The following TNFRSF10B variants were observed in gnomAD, a reference collection of about 807,000 sequenced individuals.
TNFRSF10B encodes TNF receptor superfamily member 10b.
TNFRSF10B carries 35 observed loss-of-function variants against 41.4 expected under a neutral mutation model. That is an observed-to-expected ratio of 0.85 (90% CI 0.65 to 1.12). The LOEUF is 1.12. Ranked by LOEUF, TNFRSF10B falls within the 50% of genes most tolerant of loss-of-function variation. The pLI, the probability that TNFRSF10B is intolerant of heterozygous loss-of-function variation, is 0.00. For missense variants in TNFRSF10B, 584 were observed against 552.7 expected, an observed-to-expected ratio of 1.06 and a Z score of -0.57; for synonymous variants, 230 against 215.5, an observed-to-expected ratio of 1.07 and a Z score of -0.59.
chr8:23,058,104 G>T (rs1461114967), intron 1 of TNFRSF10B, among the ~76,000 whole-genome samples: 4 of 152,136 alleles, frequency 2.6e-5, no homozygotes, highest in Middle Eastern at 3.4e-3. Flanking sequence ...AAAATTAGCC[G>T]GGCATGGTGA....
chr8:23,044,442 A>G (rs992690194), intron 1 of TNFRSF10B, among the ~76,000 whole-genome samples: 2 of 152,228 alleles, frequency 1.3e-5, no homozygotes, highest in Non-Finnish European at 2.9e-5. Flanking sequence ...AATATCTAAA[A>G]TATATAAAAA....
At chr8:23,028,306 G>A in intron 5 of TNFRSF10B, 25 bp downstream of exon 5, 1 of 1,613,514 alleles carries the variant, frequency 6.2e-7, no homozygotes, top group Non-Finnish European at 8.5e-7. Context: ...AGTGCCCTGT[G>A]CCCCCGCCCT....
chr8:23,027,084 C>T, intron 7 of TNFRSF10B, 49 bp downstream of exon 7: 1 of 1,612,610 alleles, frequency 6.2e-7, no homozygotes, highest in South Asian at 1.1e-5. Context: ...TCTACGAAAT[C>T]CCAGGTGAGC....
chr8:23,035,954 G>C (rs552853164), intron 2 of TNFRSF10B, among the ~76,000 whole-genome samples: 1 of 152,192 alleles, frequency 6.6e-6, no homozygotes, highest in Non-Finnish European at 1.5e-5. Flanking sequence ...TGGGCCATAC[G>C]ACCCAGCAGA....
At chr8:23,061,359 G>T (rs1049864339) in intron 1 of TNFRSF10B, among the ~76,000 whole-genome samples, 1 of 152,116 alleles carries the variant, frequency 6.6e-6, no homozygotes, top group Non-Finnish European at 1.5e-5. Context: ...ATTGCAATCT[G>T]TACTGTCTTT....
At chr8:23,030,699 C>A in intron 3 of TNFRSF10B, 60 bp downstream of exon 3, 1 of 1,343,620 alleles carries the variant, frequency 7.4e-7, no homozygotes, top group African/African-American at 1.4e-5. Context: ...ATTTTAGCTA[C>A]AACTTTTATG....
intron 2 of TNFRSF10B, among the ~76,000 whole-genome samples, chr8:23,036,541 A>G (rs1316900276): frequency 6.6e-6 from 1 of 152,216 alleles, no homozygotes; most frequent in African/African-American, 2.4e-5. Flanking sequence ...CCTGAAGGAC[A>G]GTGGTGAAAA....
chr8:23,058,772 G>A (rs34408955), intron 1 of TNFRSF10B, among the ~76,000 whole-genome samples: 2 of 151,930 alleles, frequency 1.3e-5, no homozygotes, highest in African/African-American at 4.8e-5. Flanking sequence ...GGTGTGAGCC[G>A]CCGTGCCCAG....
intron 1 of TNFRSF10B, among the ~76,000 whole-genome samples, chr8:23,064,025 G>A (rs1037523840): frequency 2.0e-5 from 3 of 152,230 alleles, no homozygotes; most frequent in Non-Finnish European, 2.9e-5. Flanking sequence ...GCATGTAGGC[G>A]CCTGGCGACC....
At chr8:23,066,264 CAG>C (rs1251629931) in intron 1 of TNFRSF10B, among the ~76,000 whole-genome samples, 1 of 152,140 alleles carries the variant, frequency 6.6e-6, no homozygotes, top group African/African-American at 2.4e-5. Context: ...GCCTGGGTGA[CAG>C]AGTAAGACCC....
At chr8:23,033,628 T>C (rs1231150968) in intron 2 of TNFRSF10B, among the ~76,000 whole-genome samples, 15 of 117,972 alleles carry the variant, frequency 1.3e-4, no homozygotes, top group Non-Finnish European at 2.4e-4. Flanking sequence ...AAAAGAACCC[T>C]GGAAAAGGTA....
chr8:23,066,383 T>A (rs79219308), intron 1 of TNFRSF10B, among the ~76,000 whole-genome samples: 20,792 of 151,998 alleles, frequency 0.14, 1,797 homozygotes, highest in South Asian at 0.19. Flanking sequence ...TGATATACAG[T>A]AGATGAGATT....
chr8:23,048,162 G>A (rs114288786), intron 1 of TNFRSF10B, among the ~76,000 whole-genome samples: 1,893 of 152,178 alleles, frequency 0.012, no homozygotes, highest in African/African-American at 0.043. Flanking sequence ...GGCTGGGCAC[G>A]GTGGCTCATG....
chr8:23,047,444 C>T (rs1199926758), intron 1 of TNFRSF10B, among the ~76,000 whole-genome samples: 1 of 150,822 alleles, frequency 6.6e-6, no homozygotes. Context: ...TATTTGCATA[C>T]CATACATCTG....
chr8:23,045,060 CAA>C (rs35953846), intron 1 of TNFRSF10B, among the ~76,000 whole-genome samples: 2,757 of 38,836 alleles, frequency 0.071, 66 homozygotes, highest in African/African-American at 0.18. Context: ...TAATAAAATA[CAA>C]AAAAAAAAAA....
chr8:23,030,304 G>T (rs1811841547), intron 3 of TNFRSF10B, among the ~76,000 whole-genome samples: 1 of 152,136 alleles, frequency 6.6e-6, no homozygotes, highest in Non-Finnish European at 1.5e-5. Flanking sequence ...AATAATTTCT[G>T]TATTATTATT....
intron 2 of TNFRSF10B, among the ~76,000 whole-genome samples, chr8:23,031,502 CCCCG>C (rs1811882913): frequency 6.6e-6 from 1 of 152,046 alleles, no homozygotes; most frequent in East Asian, 1.9e-4. Context: ...CTCCCTCTCC[CCCCG>C]ACCCACAAAT....
Position 23,026,087 on chromosome 8 carries a change from T to C in TNFRSF10B, c.936+1046A>G, listed in dbSNP as rs112309430. Among the ~76,000 whole-genome samples the C allele has an allele frequency of 9.1e-3, 1,381 of 151,968 alleles. 20 individuals carry two copies. The highest frequency in any genetic ancestry group is 0.03 in the African/African-American group (1,234 of 41,450). On this transcript the variant is annotated intron_variant, in intron 7 of 8. Transcript: ENST00000276431. ...CAAGATCCTGTCTCAAAAAAAAAAA[T>C]CTTCAAAGTCATTAATAAGCATGGA...
rs1235839934 is a variant in TNFRSF10B at position 23,068,566 on chromosome 8, G to C, written c.144+185C>G. 29 of 906,488 alleles carry C rather than the reference G, an allele frequency of 3.2e-5. 1 individual carries two copies. The East Asian group carries it at 7.8e-4, about 24-fold the overall frequency. 56.2% of individuals were successfully genotyped at this position (906,488 alleles called of 1,614,324 possible). The stretch of plus-strand genomic sequence containing the variant: ...GCGCGCTCTGTTCCCTGGCGGCCCA[G>C]GTCGCTCCTGCCCAACCCGGGGACC... On this transcript the variant is annotated intron_variant, in intron 1 of 8. Coordinates refer to ENST00000276431, the MANE Select transcript of TNFRSF10B (RefSeq NM_003842.5).
Sources: allele counts gnomAD v4.1 joint callset (sites outside exome capture counted in the v4.1 genomes callset), GRCh38; gene constraint gnomAD v4.1.1; transcripts MANE v1.5; gene names NCBI Gene and HGNC (gene_info 2026-07-23, HGNC 2026-07-21).